MIPOL1: variants seen among roughly 807,000 people sequenced by gnomAD.
MIPOL1 encodes mirror-image polydactyly gene 1 protein.
In MIPOL1, 57 loss-of-function variants were observed where a neutral mutation model predicts 60.9. That is an observed-to-expected ratio of 0.94 (90% CI 0.76 to 1.17). The LOEUF (loss-of-function observed/expected upper bound fraction) is 1.17, where lower values mean the gene tolerates loss of function less well. Among genes scored for constraint, MIPOL1 ranks in the 50% most tolerant of loss-of-function variants. MIPOL1 has a pLI of 0.00. For missense variants in MIPOL1, 551 were observed against 511.6 expected (o/e 1.08, Z -0.74); for synonymous variants, 179 against 168.8 (o/e 1.06, Z -0.47).
intron 9 of MIPOL1, among the ~76,000 whole-genome samples, chr14:37,313,586 T>G (rs2087576902): frequency 6.6e-6 from 1 of 152,078 alleles, no homozygotes; most frequent in African/African-American, 2.4e-5. Context: ...TTTAACCACA[T>G]GGACCACTCA....
intron 1 of MIPOL1, among the ~76,000 whole-genome samples, chr14:37,204,664 C>T (rs964439407): frequency 2.6e-5 from 4 of 152,118 alleles, no homozygotes; most frequent in African/African-American, 9.7e-5. Context: ...GCCCATTAAA[C>T]CTCTTTCTTT....
chr14:37,499,451 G>A (rs2095182668), intron 11 of MIPOL1, among the ~76,000 whole-genome samples: 1 of 152,092 alleles, frequency 6.6e-6, no homozygotes, highest in South Asian at 2.1e-4. Flanking sequence ...AAAATGCTAT[G>A]TAGAAGGCTG....
intron 10 of MIPOL1, among the ~76,000 whole-genome samples, chr14:37,382,206 G>C (rs896877924): frequency 6.6e-6 from 1 of 151,966 alleles, no homozygotes; most frequent in Admixed American, 6.6e-5. Context: ...AAGTGATTTG[G>C]AATAAGTGAT....
intron 7 of MIPOL1, among the ~76,000 whole-genome samples, chr14:37,300,052 G>T (rs185398264): frequency 6.6e-6 from 1 of 151,942 alleles, no homozygotes; most frequent in Admixed American, 6.6e-5. Context: ...TTTTCCTTAT[G>T]TCATTTGAAG....
At chr14:37,371,813 T>C (rs1324605257) in intron 10 of MIPOL1, among the ~76,000 whole-genome samples, 2 of 152,136 alleles carry the variant, frequency 1.3e-5, no homozygotes, top group South Asian at 2.1e-4. Flanking sequence ...GAAGTTTTTG[T>C]TTTTTATTTG....
At chr14:37,300,309 T>C (rs1442246090) in intron 7 of MIPOL1, among the ~76,000 whole-genome samples, 1 of 145,678 alleles carries the variant, frequency 6.9e-6, no homozygotes, top group Non-Finnish European at 1.5e-5. Flanking sequence ...TACAGGAGAT[T>C]TGTCTCTTTT....
intron 11 of MIPOL1, among the ~76,000 whole-genome samples, chr14:37,489,339 A>C (rs1486144080): frequency 6.6e-6 from 1 of 152,204 alleles, no homozygotes; most frequent in African/African-American, 2.4e-5. Flanking sequence ...TATTCTAGTT[A>C]GCATTTCCTC....
chr14:37,436,537 T>C (rs1193669255), intron 11 of MIPOL1, among the ~76,000 whole-genome samples: 2 of 152,242 alleles, frequency 1.3e-5, no homozygotes, highest in Non-Finnish European at 2.9e-5. Flanking sequence ...GATTCATTAA[T>C]TGCAAAAACA....
intron 10 of MIPOL1, among the ~76,000 whole-genome samples, chr14:37,409,417 TACAAAAAAAG>T (rs1048207149): frequency 9.9e-5 from 15 of 152,068 alleles, no homozygotes; most frequent in Admixed American, 5.2e-4. Context: ...TGCAAGTTCT[TACAAAAAAAG>T]ACAAAAAAAT....
chr14:37,330,606 T>C (rs1183750013), intron 9 of MIPOL1, among the ~76,000 whole-genome samples: 1 of 152,094 alleles, frequency 6.6e-6, no homozygotes, highest in Non-Finnish European at 1.5e-5. Context: ...TCCCAGCAGG[T>C]TGAGATCTTG....
intron 9 of MIPOL1, among the ~76,000 whole-genome samples, chr14:37,363,410 C>T (rs906961960): frequency 6.6e-6 from 1 of 152,288 alleles, no homozygotes; most frequent in Non-Finnish European, 1.5e-5. Flanking sequence ...AGGTCCACTC[C>T]AGACCCTGTT....
At chr14:37,303,102 T>G (rs1160212011) in intron 7 of MIPOL1, among the ~76,000 whole-genome samples, 3 of 151,908 alleles carry the variant, frequency 2.0e-5, no homozygotes, top group Non-Finnish European at 4.4e-5. Flanking sequence ...AAAAAGATTT[T>G]TATGCTTTAA....
intron 9 of MIPOL1, among the ~76,000 whole-genome samples, chr14:37,336,416 C>G (rs1337243704): frequency 6.7e-6 from 1 of 149,762 alleles, no homozygotes; most frequent in Non-Finnish European, 1.5e-5. Flanking sequence ...ATAATGCCCT[C>G]TTTGTCTCTT....
At chr14:37,406,841 CTAGTGAAACCAGTGAAA>C (rs1453901631) in intron 10 of MIPOL1, among the ~76,000 whole-genome samples, 1 of 152,064 alleles carries the variant, frequency 6.6e-6, no homozygotes, top group East Asian at 1.9e-4. Context: ...GAATAGACTA[CTAGTGAAACCAGTGAAA>C]TAGTCAGTGG....
At chr14:37,199,777 A>G (rs1440877823) in intron 1 of MIPOL1, among the ~76,000 whole-genome samples, 1 of 152,124 alleles carries the variant, frequency 6.6e-6, no homozygotes, top group Non-Finnish European at 1.5e-5. Context: ...CACCTGCCTC[A>G]GCATCCCAGA....
intron 11 of MIPOL1, among the ~76,000 whole-genome samples, chr14:37,494,987 T>G (rs530705435): frequency 2.1e-4 from 32 of 152,098 alleles, no homozygotes; most frequent in African/African-American, 7.0e-4. Flanking sequence ...ATTTGCCCCC[T>G]AAAAATTAAA....
intron 12 of MIPOL1, chr14:37,507,729 T>G (rs1031124359): frequency 2.6e-5 from 4 of 152,212 alleles, no homozygotes; most frequent in Admixed American, 6.5e-5. Flanking sequence ...ATTGTGCACA[T>G]GTACCCTAGA....
chr14:37,283,426 A>G (rs1205097347), intron 6 of MIPOL1, among the ~76,000 whole-genome samples: 1 of 152,142 alleles, frequency 6.6e-6, no homozygotes, highest in African/African-American at 2.4e-5. Context: ...AACTATTATT[A>G]ATATAATTGT....
At chr14:37,394,084 A>ATATATCTC (rs1491106712) in intron 10 of MIPOL1, among the ~76,000 whole-genome samples, 2 of 134,664 alleles carry the variant, frequency 1.5e-5, no homozygotes, top group Non-Finnish European at 3.1e-5. Flanking sequence ...ATATATATAT[A>ATATATCTC]TCTCCATGTT....
Sources: gnomAD v4.1 joint callset for allele counts (sites outside exome capture counted in the v4.1 genomes callset) on GRCh38, gnomAD v4.1.1 for gene constraint, MANE v1.5 for transcripts, NCBI Gene and HGNC (gene_info 2026-07-23, HGNC 2026-07-21) for gene names.